The following HIPK2 variants were observed in gnomAD, a reference collection of about 807,000 sequenced individuals.
HIPK2 encodes homeodomain-interacting protein kinase 2.
In HIPK2, 27 loss-of-function variants were observed where a neutral mutation model predicts 113.7. The observed-to-expected ratio is 0.24, with a 90% CI of 0.17 to 0.33. The LOEUF is 0.33. HIPK2 is among the 10% of genes least tolerant of loss of function. The pLI, the probability that HIPK2 is intolerant of heterozygous loss-of-function variation, is 1.00. For synonymous variants in HIPK2, 631 were observed against 642.2 expected (o/e 0.98, Z 0.26); for missense variants, 1,257 against 1,588.0 (o/e 0.79, Z 3.54).
intron 10 of HIPK2, among the ~76,000 whole-genome samples, chr7:139,600,843 G>C (rs1335446868): frequency 3.3e-5 from 5 of 152,190 alleles, no homozygotes; most frequent in Non-Finnish European, 5.9e-5. Context: ...AGAATGCCAA[G>C]TACACCGGCT....
At chr7:139,625,120 C>T (rs1277509420) in intron 6 of HIPK2, among the ~76,000 whole-genome samples, 2 of 152,212 alleles carry the variant, frequency 1.3e-5, no homozygotes, top group African/African-American at 4.8e-5. Flanking sequence ...GTCCATCTAT[C>T]CTTCCAATGA....
chr7:139,768,240 C>G (rs529271455), intron 1 of HIPK2, among the ~76,000 whole-genome samples: 2 of 152,186 alleles, frequency 1.3e-5, no homozygotes, highest in South Asian at 4.1e-4. Context: ...GTCTTATAAC[C>G]GTGAAAGTCT....
At chr7:139,665,237 C>T (rs1802010155) in intron 2 of HIPK2, among the ~76,000 whole-genome samples, 1 of 152,038 alleles carries the variant, frequency 6.6e-6, no homozygotes, top group African/African-American at 2.4e-5. Context: ...GGAGGTCTTA[C>T]TATGTTGCCC....
chr7:139,645,972 G>A (rs1238303088), intron 2 of HIPK2, among the ~76,000 whole-genome samples: 1 of 152,180 alleles, frequency 6.6e-6, no homozygotes. Flanking sequence ...TTACTCAGGG[G>A]AAACCTTCCA....
chr7:139,718,814 C>A (rs952417092), intron 1 of HIPK2, among the ~76,000 whole-genome samples: 8 of 152,120 alleles, frequency 5.3e-5, no homozygotes, highest in Non-Finnish European at 1.0e-4. Context: ...GAGTAACAGC[C>A]GCATTCCCCC....
At chr7:139,673,630 TCTAA>T (rs756837916) in intron 2 of HIPK2, among the ~76,000 whole-genome samples, 9 of 152,262 alleles carry the variant, frequency 5.9e-5, no homozygotes, top group Middle Eastern at 3.4e-3. Flanking sequence ...ATGTAAGTTC[TCTAA>T]CTGTTTCATG....
At chr7:139,603,107 C>A (rs1445850459) in intron 10 of HIPK2, among the ~76,000 whole-genome samples, 3 of 152,056 alleles carry the variant, frequency 2.0e-5, no homozygotes, top group Non-Finnish European at 4.4e-5. Context: ...CAGTAGGGGT[C>A]TGACTGGGGG....
At chr7:139,637,403 G>A (rs115073694) in intron 2 of HIPK2, among the ~76,000 whole-genome samples, 4 of 152,168 alleles carry the variant, frequency 2.6e-5, no homozygotes, top group Non-Finnish European at 5.9e-5. Context: ...TTGCAGGCCC[G>A]TTGGTTTCCT....
intron 1 of HIPK2, among the ~76,000 whole-genome samples, chr7:139,741,331 C>T (rs913963298): frequency 1.3e-5 from 2 of 152,140 alleles, no homozygotes; most frequent in African/African-American, 4.8e-5. Context: ...AGTCACTGTG[C>T]TGAGCCTCAT....
intron 1 of HIPK2, among the ~76,000 whole-genome samples, chr7:139,743,064 T>C (rs936791347): frequency 6.6e-6 from 1 of 152,174 alleles, no homozygotes; most frequent in African/African-American, 2.4e-5. Context: ...CCCAAGGCCT[T>C]CACTGCTTTG....
chr7:139,599,428 C>T (rs1443715897), intron 11 of HIPK2, among the ~76,000 whole-genome samples: 3 of 152,210 alleles, frequency 2.0e-5, no homozygotes, highest in Non-Finnish European at 2.9e-5. Flanking sequence ...AAGCCCTAAT[C>T]GGATCTCTGT....
intron 2 of HIPK2, among the ~76,000 whole-genome samples, chr7:139,694,182 C>A (rs976006167): frequency 2.0e-5 from 3 of 152,200 alleles, no homozygotes; most frequent in Non-Finnish European, 2.9e-5. Flanking sequence ...AGCAAAAATT[C>A]ATCTGCTCTT....
chr7:139,771,063 G>C (rs761115502), intron 1 of HIPK2, among the ~76,000 whole-genome samples: 1 of 152,170 alleles, frequency 6.6e-6, no homozygotes, highest in Non-Finnish European at 1.5e-5. Flanking sequence ...AAACCAAAGA[G>C]AGGGAGGACT....
At chr7:139,638,956 A>T (rs995993214) in intron 2 of HIPK2, among the ~76,000 whole-genome samples, 5 of 152,166 alleles carry the variant, frequency 3.3e-5, no homozygotes, top group Non-Finnish European at 7.4e-5. Context: ...ACGCCCAGCC[A>T]ATAATTGTCA....
intron 2 of HIPK2, among the ~76,000 whole-genome samples, chr7:139,706,463 T>C (rs1794902208): frequency 1.3e-5 from 2 of 152,184 alleles, no homozygotes; most frequent in Non-Finnish European, 2.9e-5. Context: ...ATGCCGCTCA[T>C]ATCATTCATT....
In HIPK2 at chr7:139,583,932, A is replaced by C. The variant is rs775857033; in HGVS notation, c.2850T>G (p.Phe950Leu). The C allele has an allele frequency of 6.2e-7, 1 of 1,613,882 alleles. No individual in the cohort carries two copies. Among genetic ancestry groups the C allele is most frequent in the African/African-American group, 1.3e-5 (1 of 74,928 alleles). ...GATTCTCCAGGCTCCCCTTGGTGTC[A>C]AAGGCATTGGCATTGTTGTGCCCAG... is the stretch of plus-strand genomic sequence containing the variant. ...QRAGHNNANA[F>L]DTKGSLENHC... Residue 950 changes from phenylalanine to leucine, a missense_variant, in exon 13 of 15, where the codon TTT becomes TTG. This residue lies in a region of HIPK2 where 862 missense variants were observed against 1,004.3 expected (regional missense o/e 0.86). Transcript: ENST00000406875.
chr7:139,627,688 C>T (rs916014571), intron 5 of HIPK2, among the ~76,000 whole-genome samples: 1 of 152,172 alleles, frequency 6.6e-6, no homozygotes, highest in African/African-American at 2.4e-5. Flanking sequence ...TAGTCATCTA[C>T]AGTAAGAGGG....
chr7:139,733,600 C>T (rs1795854654), intron 1 of HIPK2, among the ~76,000 whole-genome samples: 1 of 152,126 alleles, frequency 6.6e-6, no homozygotes, highest in Admixed American at 6.5e-5. Flanking sequence ...CTTTCCAATA[C>T]AGTATTGTTA....
At chr7:139,663,631 T>G (rs1801944196) in intron 2 of HIPK2, among the ~76,000 whole-genome samples, 1 of 152,154 alleles carries the variant, frequency 6.6e-6, no homozygotes, top group Non-Finnish European at 1.5e-5. Context: ...TCATCTACGT[T>G]AGGGATCCCA....
Sources: allele counts gnomAD v4.1 joint callset (sites outside exome capture counted in the v4.1 genomes callset), GRCh38; gene constraint gnomAD v4.1.1; regional missense constraint gnomAD v4.1.1; transcripts MANE v1.5; gene names NCBI Gene and HGNC (gene_info 2026-07-23, HGNC 2026-07-21).